Variants in KHDRBS2 observed in about 807,000 individuals in gnomAD.
KHDRBS2 encodes the protein KH RNA binding domain containing, signal transduction associated 2, also known as KH domain-containing, RNA-binding, signal transduction-associated protein 2.
A neutral mutation model predicts 44.3 loss-of-function variants in KHDRBS2; 26 were observed. The observed-to-expected ratio is 0.59, with a 90% CI of 0.43 to 0.81. The LOEUF (loss-of-function observed/expected upper bound fraction) is 0.81, where lower values mean the gene tolerates loss of function less well. Among genes scored for constraint, KHDRBS2 ranks in the 40% least tolerant of loss-of-function variants. KHDRBS2 has a pLI of 0.00. For missense variants in KHDRBS2, 476 were observed against 433.1 expected (o/e 1.10, Z -0.88); for synonymous variants, 194 against 151.1 (o/e 1.28, Z -2.08).
At chr6:61,793,876 G>A (rs906392193) in intron 6 of KHDRBS2, among the ~76,000 whole-genome samples, 3 of 151,970 alleles carry the variant, frequency 2.0e-5, no homozygotes, top group Non-Finnish European at 4.4e-5. Context: ...CAAATGTAGT[G>A]TTATCTTTGA....
At chr6:61,726,912 GA>G (rs1239187760) in intron 7 of KHDRBS2, among the ~76,000 whole-genome samples, 1 of 151,944 alleles carries the variant, frequency 6.6e-6, no homozygotes, top group South Asian at 2.1e-4. Flanking sequence ...CACAGAATTA[GA>G]AAAAAATATT....
chr6:61,741,505 A>T (rs1776131180), intron 6 of KHDRBS2, among the ~76,000 whole-genome samples: 1 of 151,964 alleles, frequency 6.6e-6, no homozygotes, highest in Non-Finnish European at 1.5e-5. Context: ...AAGGGGGTAC[A>T]TGTTGACTTT....
At chr6:62,044,838 G>C (rs912943740) in intron 3 of KHDRBS2, among the ~76,000 whole-genome samples, 2 of 152,106 alleles carry the variant, frequency 1.3e-5, no homozygotes, top group African/African-American at 4.8e-5. Flanking sequence ...AAGTTGAGAA[G>C]AGGATTCTGA....
At chr6:62,151,339 A>C (rs1270173963) in intron 2 of KHDRBS2, among the ~76,000 whole-genome samples, 1 of 152,194 alleles carries the variant, frequency 6.6e-6, no homozygotes, top group East Asian at 1.9e-4. Context: ...CACACAATCC[A>C]TCTGTTTCTA....
chr6:61,643,128 TA>T, the KHDRBS2 span, among the ~76,000 whole-genome samples: 1 of 144,574 alleles, frequency 6.9e-6, no homozygotes, highest in African/African-American at 2.4e-5. Flanking sequence ...ACACACTGTA[TA>T]TTTTTATTTC....
the KHDRBS2 span, among the ~76,000 whole-genome samples, chr6:61,673,418 G>A: frequency 6.6e-6 from 1 of 151,608 alleles, no homozygotes. Flanking sequence ...TGGAAGTTCT[G>A]GCCAGGGCAA....
At chr6:62,250,298 T>C (rs1392362357) in intron 1 of KHDRBS2, among the ~76,000 whole-genome samples, 1 of 152,118 alleles carries the variant, frequency 6.6e-6, no homozygotes, top group Non-Finnish European at 1.5e-5. Flanking sequence ...AATAATACCA[T>C]AAAATGACAA....
At chr6:61,660,681 G>T in the KHDRBS2 span, among the ~76,000 whole-genome samples, 1 of 151,596 alleles carries the variant, frequency 6.6e-6, no homozygotes, top group African/African-American at 2.4e-5. Flanking sequence ...TATTCTACTG[G>T]GTTCTGTTCT....
intron 4 of KHDRBS2, 77 bp downstream of exon 4, chr6:61,977,989 A>AG: frequency 8.2e-7 from 1 of 1,226,488 alleles, no homozygotes. Context: ...CCTTTTAAAA[A>AG]GTCAGTGAAG....
intron 4 of KHDRBS2, among the ~76,000 whole-genome samples, chr6:61,943,450 G>T (rs1812560082): frequency 6.6e-6 from 1 of 151,776 alleles, no homozygotes; most frequent in Admixed American, 6.6e-5. Context: ...AAAACAACGA[G>T]CAATATGACA....
chr6:61,940,742 G>C (rs1343365754), intron 4 of KHDRBS2, among the ~76,000 whole-genome samples: 2 of 152,118 alleles, frequency 1.3e-5, no homozygotes, highest in African/African-American at 4.8e-5. Flanking sequence ...TTCCAAGGTA[G>C]CAACCTGAAG....
chr6:61,667,670 G>T, the KHDRBS2 span, among the ~76,000 whole-genome samples: 3 of 141,512 alleles, frequency 2.1e-5, no homozygotes, highest in Admixed American at 2.0e-4. Context: ...TTATGTGACA[G>T]CTAGCAATAT....
Position 62,278,574 on chromosome 6 carries a change from C to A in KHDRBS2, c.91+7284G>T, listed in dbSNP as rs185212816. 1.3e-4 allele frequency among the ~76,000 whole-genome samples: 20 copies of A among 152,124 alleles called. No individual in the cohort carries two copies. The East Asian group carries it at 3.5e-3, about 26-fold the overall frequency. On this transcript the variant is annotated intron_variant, in intron 1 of 8. Coordinates refer to ENST00000281156, the MANE Select transcript of KHDRBS2 (RefSeq NM_152688.4). The stretch of plus-strand genomic sequence containing the variant: ...TAATGTACAAGGCCTAATAGTCAAT[C>A]AAAAGAAAATTTCATAAAAATATAA...
chr6:61,754,561 T>C (rs1320174239), intron 6 of KHDRBS2, among the ~76,000 whole-genome samples: 2 of 132,326 alleles, frequency 1.5e-5, no homozygotes, highest in African/African-American at 6.6e-5. Flanking sequence ...AACTATGTTT[T>C]ATGCTTTTTT....
chr6:62,209,129 A>G (rs1287748235), intron 1 of KHDRBS2, among the ~76,000 whole-genome samples: 4 of 152,216 alleles, frequency 2.6e-5, no homozygotes, highest in African/African-American at 9.6e-5. Flanking sequence ...TTCAAAATTT[A>G]TAAAGAGCTC....
At chr6:61,547,837 C>A in the KHDRBS2 span, among the ~76,000 whole-genome samples, 3 of 152,034 alleles carry the variant, frequency 2.0e-5, no homozygotes, top group African/African-American at 7.2e-5. Flanking sequence ...CATTCTTCTT[C>A]CCCAAAAAGT....
chr6:61,745,945 G>A (rs559101638), intron 6 of KHDRBS2, among the ~76,000 whole-genome samples: 24 of 152,152 alleles, frequency 1.6e-4, no homozygotes, highest in Admixed American at 1.3e-3. Flanking sequence ...TAAAGAGTGC[G>A]TGTCTTACAT....
At chr6:62,170,794 A>ATGGGGACC (rs1476469566) in intron 2 of KHDRBS2, among the ~76,000 whole-genome samples, 18 of 152,168 alleles carry the variant, frequency 1.2e-4, no homozygotes, top group Admixed American at 1.1e-3. Context: ...GAGAACAAAG[A>ATGGGGACC]TGGGGACCTG....
At chr6:62,235,411 A>T (rs912625423) in intron 1 of KHDRBS2, among the ~76,000 whole-genome samples, 11 of 151,938 alleles carry the variant, frequency 7.2e-5, no homozygotes, top group African/African-American at 2.2e-4. Context: ...ATTTTAGCAA[A>T]CTTGAAACTG....
Sources: gnomAD v4.1 joint callset for allele counts (sites outside exome capture counted in the v4.1 genomes callset) on GRCh38, gnomAD v4.1.1 for gene constraint, MANE v1.5 for transcripts, NCBI Gene and HGNC (gene_info 2026-07-23, HGNC 2026-07-21) for gene names.